Variants in NRP2 observed in about 807,000 individuals in gnomAD.
The protein encoded by NRP2 is neuropilin-2.
NRP2 carries 52 observed loss-of-function variants against 110.4 expected under a neutral mutation model. The ratio of observed to expected loss-of-function variants is 0.47; its 90% CI spans 0.38 to 0.59. The LOEUF (loss-of-function observed/expected upper bound fraction) is 0.59. NRP2 is among the 20% of genes least tolerant of loss of function. NRP2 has a pLI of 0.00. For synonymous variants in NRP2, 508 were observed against 468.9 expected (o/e 1.08, Z -1.08); for missense variants, 1,049 against 1,203.0 (o/e 0.87, Z 1.89).
intron 10 of NRP2, among the ~76,000 whole-genome samples, chr2:205,748,080 C>T (rs536985591): frequency 1.3e-5 from 2 of 152,150 alleles, no homozygotes; most frequent in East Asian, 1.9e-4. Context: ...CGGTGCCCGC[C>T]GTTCCTCCAC....
At chr2:205,732,107 A>G (rs79054121) in intron 7 of NRP2, among the ~76,000 whole-genome samples, 1,937 of 152,282 alleles carry the variant, frequency 0.013, 33 homozygotes, top group African/African-American at 0.044. Flanking sequence ...GTTCAGTCCA[A>G]GGACTGAGAG....
At chr2:205,766,844 G>A in intron 15 of NRP2, 41 bp downstream of exon 15, 1 of 1,578,696 alleles carries the variant, frequency 6.3e-7, no homozygotes, top group Non-Finnish European at 8.6e-7. Flanking sequence ...TTTTTTGCAT[G>A]CTTTTTCCTT....
rs1048626381 is a variant in NRP2 at position 205,746,039 on chromosome 2, C to T, written c.1786+149C>T. The T allele has an allele frequency of 1.4e-5, 12 of 847,084 alleles. No individual in the cohort carries two copies. In the Admixed American group the frequency reaches 2.3e-4, roughly 16 times the overall value. The allele number at this position is 847,084 out of a possible 1,614,324, so 52.5% of individuals were successfully genotyped here. A position where few individuals can be genotyped will look rare whatever the true frequency, so the allele number is the denominator to read the frequency against. ...CCTGCCATGTTCTCCTGCCTCAGAC[C>T]ACGGGTACTGCAGCCTCTGGACTTG... On this transcript the variant is annotated intron_variant, in intron 10 of 16. Coordinates refer to ENST00000357785, the MANE Select transcript of NRP2 (RefSeq NM_003872.3).
intron 7 of NRP2, 29 bp downstream of exon 7, chr2:205,728,075 C>T: frequency 6.2e-7 from 1 of 1,613,796 alleles, no homozygotes; most frequent in Non-Finnish European, 8.5e-7. Flanking sequence ...CTTAAAGGCA[C>T]ATTGGACCAG....
At chr2:205,753,278 A>G (rs2057681548) in intron 12 of NRP2, among the ~76,000 whole-genome samples, 2 of 152,204 alleles carry the variant, frequency 1.3e-5, no homozygotes, top group African/African-American at 2.4e-5. Context: ...ATGGGGCACG[A>G]GTCAGTGTCC....
chr2:205,685,490 C>A (rs1329475438), intron 1 of NRP2, among the ~76,000 whole-genome samples: 4 of 152,236 alleles, frequency 2.6e-5, no homozygotes, highest in African/African-American at 7.2e-5. Flanking sequence ...CGACGAGAAC[C>A]AATTCTGGGA....
intron 2 of NRP2, among the ~76,000 whole-genome samples, chr2:205,714,832 C>G (rs1417373702): frequency 6.6e-6 from 1 of 152,166 alleles, no homozygotes; most frequent in African/African-American, 2.4e-5. Context: ...TTGAAAGTGG[C>G]TAAGTAACAT....
chr2:205,700,369 G>C (rs537091180), intron 2 of NRP2, among the ~76,000 whole-genome samples: 4 of 152,302 alleles, frequency 2.6e-5, no homozygotes, highest in Non-Finnish European at 4.4e-5. Context: ...CTGGTCTTCC[G>C]ATCACAGAGC....
chr2:205,745,950 C>A, intron 10 of NRP2, 60 bp downstream of exon 10: 2 of 1,598,418 alleles, frequency 1.3e-6, no homozygotes, highest in Non-Finnish European at 1.7e-6. Context: ...CCCTGGCATC[C>A]CACGAGGCCC....
At chr2:205,754,657 C>T (rs1277379851) in intron 12 of NRP2, among the ~76,000 whole-genome samples, 1 of 152,170 alleles carries the variant, frequency 6.6e-6, no homozygotes, top group East Asian at 1.9e-4. Flanking sequence ...CATTTCCACT[C>T]CTTTGAGACT....
At chr2:205,766,322 G>T (rs189769964) in intron 14 of NRP2, among the ~76,000 whole-genome samples, 54 of 152,266 alleles carry the variant, frequency 3.5e-4, no homozygotes, top group Admixed American at 1.1e-3. Flanking sequence ...CATGAGGGTT[G>T]CTTTCAGTCA....
chr2:205,739,981 G>A (rs564641094), intron 7 of NRP2: 26 of 236,652 alleles, frequency 1.1e-4, no homozygotes, highest in Non-Finnish European at 1.7e-4. Context: ...TTGACACAGG[G>A]CCATTGTAGG....
At chr2:205,749,616 C>T in intron 10 of NRP2, 109 bp from the exon 11 acceptor site, 1 of 869,556 alleles carries the variant, frequency 1.2e-6, no homozygotes, top group South Asian at 1.3e-5. Flanking sequence ...GTTCCGTGCA[C>T]ATGTGTGCAT....
intron 2 of NRP2, among the ~76,000 whole-genome samples, chr2:205,708,414 A>G (rs2056730037): frequency 1.3e-5 from 2 of 152,214 alleles, no homozygotes; most frequent in African/African-American, 4.8e-5. Context: ...CAGCGAGGGA[A>G]ATGGTATTCA....
chr2:205,761,237 C>T (rs2105913835), intron 12 of NRP2, among the ~76,000 whole-genome samples: 1 of 152,280 alleles, frequency 6.6e-6, no homozygotes, highest in East Asian at 1.9e-4. Context: ...TATCATTCTC[C>T]ATTCATCCAT....
At chr2:205,771,494 A>G (rs1457258942) in intron 15 of NRP2, among the ~76,000 whole-genome samples, 1 of 152,350 alleles carries the variant, frequency 6.6e-6, no homozygotes, top group East Asian at 1.9e-4. Context: ...TCTGACATGC[A>G]ATGAGCCTTT....
rs1340359238 is a variant in NRP2 at position 205,774,737 on chromosome 2, GA to G, written c.2425+7935del. Among the ~76,000 whole-genome samples, 3 of 152,312 alleles carry G rather than the reference GA, an allele frequency of 2.0e-5. No homozygotes were observed. The East Asian group carries it at 5.8e-4, about 29-fold the overall frequency. On this transcript the variant is annotated intron_variant, in intron 15 of 16. Coordinates refer to ENST00000357785, the MANE Select transcript of NRP2 (RefSeq NM_003872.3). Reference sequence around the variant, plus strand: ...CCTCCCACCTATTCCCCAGATCAAAGAGAGGAGTTCTGATGTTCAGGCTGCA... The same window carrying G: ...CCTCCCACCTATTCCCCAGATCAAAGGAGGAGTTCTGATGTTCAGGCTGCA...
intron 15 of NRP2, among the ~76,000 whole-genome samples, chr2:205,791,012 G>C (rs747000794): frequency 3.3e-5 from 5 of 152,214 alleles, no homozygotes; most frequent in Non-Finnish European, 5.9e-5. Context: ...GGCCAGAAAT[G>C]AGAAAGACTT....
intron 12 of NRP2, among the ~76,000 whole-genome samples, chr2:205,756,097 A>G (rs1355188359): frequency 6.6e-6 from 1 of 151,784 alleles, no homozygotes; most frequent in African/African-American, 2.4e-5. Context: ...AAAAGCACCC[A>G]CTGGTTTCAT....
Sources: allele counts gnomAD v4.1 joint callset (sites outside exome capture counted in the v4.1 genomes callset), GRCh38; gene constraint gnomAD v4.1.1; transcripts MANE v1.5; gene names NCBI Gene and HGNC (gene_info 2026-07-23, HGNC 2026-07-21).